The following G2E3 variants were observed in gnomAD, a reference collection of about 807,000 sequenced individuals.
The protein encoded by G2E3 is G2/M phase-specific E3 ubiquitin-protein ligase.
In G2E3, 35 loss-of-function variants were observed where a neutral mutation model predicts 92.8. That is an observed-to-expected ratio of 0.38 (90% CI 0.29 to 0.50). The LOEUF (loss-of-function observed/expected upper bound fraction) is 0.50. Ranked by LOEUF, G2E3 falls within the 20% of genes least tolerant of loss-of-function variation. The pLI is 0.94. For synonymous variants in G2E3, 242 were observed against 272.4 expected (o/e 0.89, Z 1.10); for missense variants, 554 against 823.8 (o/e 0.67, Z 4.01).
chr14:30,607,830 T>G (rs534695792), intron 11 of G2E3, 58 bp from the exon 12 acceptor site: 1 of 873,850 alleles, frequency 1.1e-6, no homozygotes, highest in South Asian at 1.8e-5. Context: ...ATATAAAAAA[T>G]GATGGTTATC....
chr14:30,619,710 G>A lies in G2E3; in HGVS notation c.*3176G>A, dbSNP rs753691103. On this transcript the variant is annotated 3_prime_UTR_variant, in exon 15 of 15. Transcript: ENST00000206595. ...TATCCCAGTACCTACACTATGCCAG[G>A]TATTATGCTAGGTGATCGTTTATAT... The A allele has an allele frequency of 6.6e-6, 1 of 151,936 alleles. No individual in the cohort carries two copies. Among genetic ancestry groups the A allele is most frequent in the Non-Finnish European group, 1.5e-5 (1 of 67,960 alleles). The allele number at this position is 151,936 out of a possible 1,614,324, so 9.4% of individuals were successfully genotyped here.
At chr14:30,614,492 C>T (rs1882227283) in intron 13 of G2E3, among the ~76,000 whole-genome samples, 1 of 152,178 alleles carries the variant, frequency 6.6e-6, no homozygotes, top group African/African-American at 2.4e-5. Context: ...GAGCTCACTC[C>T]CACAATAATG....
intron 2 of G2E3, among the ~76,000 whole-genome samples, chr14:30,584,799 A>C (rs953243642): frequency 7.0e-6 from 1 of 143,104 alleles, no homozygotes; most frequent in African/African-American, 2.6e-5. Context: ...AGATGTGTAG[A>C]GTGTCTTTCA....
intron 11 of G2E3, among the ~76,000 whole-genome samples, chr14:30,606,283 AC>A (rs1163778966): frequency 6.6e-6 from 1 of 151,660 alleles, no homozygotes; most frequent in East Asian, 1.9e-4. Context: ...TTCTGTCTTC[AC>A]TATTGGTGAG....
intron 10 of G2E3, among the ~76,000 whole-genome samples, chr14:30,603,473 T>G (rs1395528641): frequency 2.0e-5 from 3 of 152,200 alleles, no homozygotes; most frequent in African/African-American, 7.2e-5. Flanking sequence ...CAAAAGAGTT[T>G]TTAGAGCCTT....
intron 13 of G2E3, among the ~76,000 whole-genome samples, chr14:30,612,735 T>A (rs1158728951): frequency 6.6e-6 from 1 of 152,062 alleles, no homozygotes. Flanking sequence ...TGGGTTCCTG[T>A]AATCTCAGCT....
intron 14 of G2E3, 39 bp from the exon 15 acceptor site, chr14:30,616,239 T>G: frequency 3.7e-6 from 5 of 1,362,106 alleles, no homozygotes; most frequent in Non-Finnish European, 5.2e-6. Context: ...ATGGATTTAC[T>G]TTTGTTTCTT....
rs2273409 is a variant in G2E3, at chr14:30,592,525, T to A, written c.362+78T>A. The A allele has an allele frequency of 1.8e-4, 201 of 1,098,220 alleles. No homozygotes were observed. In the East Asian group the frequency reaches 4.6e-3, roughly 25 times the overall value. 68.0% of individuals were successfully genotyped at this position (1,098,220 alleles called of 1,614,324 possible). A position where few individuals can be genotyped will look rare whatever the true frequency, so the allele number is the denominator to read the frequency against. On this transcript the variant is annotated intron_variant, in intron 5 of 14. Coordinates refer to ENST00000206595, the MANE Select transcript of G2E3 (RefSeq NM_017769.5). The stretch of plus-strand genomic sequence containing the variant: ...AATACATATCCCAATGATATAATAC[T>A]ACAATAAATTTTCTGTTTAGAGCAT...
chr14:30,572,558 T>A (rs1879830009), intron 1 of G2E3, among the ~76,000 whole-genome samples: 1 of 152,188 alleles, frequency 6.6e-6, no homozygotes, highest in Admixed American at 6.5e-5. Flanking sequence ...CCTACAGTTT[T>A]ATCATGATTG....
At chr14:30,608,144 T>C (rs1331337120) in intron 12 of G2E3, 75 bp downstream of exon 12, 3 of 815,614 alleles carry the variant, frequency 3.7e-6, no homozygotes, top group African/African-American at 3.5e-5. Context: ...TGATCTGCAA[T>C]AAAATAATAG....
At chr14:30,600,408 G>A (rs1452281664) in intron 8 of G2E3, among the ~76,000 whole-genome samples, 2 of 152,170 alleles carry the variant, frequency 1.3e-5, no homozygotes, top group African/African-American at 4.8e-5. Context: ...AAGGTATCAA[G>A]TAACATGTAT....
intron 3 of G2E3, among the ~76,000 whole-genome samples, chr14:30,588,911 G>A (rs921988319): frequency 3.6e-4 from 54 of 152,064 alleles, no homozygotes; most frequent in African/African-American, 1.3e-3. Context: ...GTTAACTAGG[G>A]TTCAATAGGT....
At chr14:30,570,343 G>A (rs1315784762) in intron 1 of G2E3, among the ~76,000 whole-genome samples, 1 of 152,190 alleles carries the variant, frequency 6.6e-6, no homozygotes, top group African/African-American at 2.4e-5. Context: ...TCTTAAAAAT[G>A]TGTAGATTGA....
intron 4 of G2E3, among the ~76,000 whole-genome samples, chr14:30,590,106 A>G (rs1000876894): frequency 6.6e-6 from 1 of 152,108 alleles, no homozygotes; most frequent in African/African-American, 2.4e-5. Context: ...ACGTCTCCAT[A>G]TTGTCTAAGT....
chr14:30,605,761 T>A lies in G2E3; in HGVS notation c.1267T>A (p.Ser423Thr). 3 of 1,595,182 alleles carry A rather than the reference T, an allele frequency of 1.9e-6. No homozygotes were observed. Among genetic ancestry groups the A allele is most frequent in the Non-Finnish European group, 2.6e-6 (3 of 1,172,514 alleles). Residue 423 changes from serine to threonine, a missense_variant, in exon 11 of 15, where the codon TCA becomes ACA. By Grantham distance (58) the Ser-to-Thr change is moderately conservative. Transcript: ENST00000206595. ...TCTCTTAATGCAACATCTTGAGAAC[T>A]CATCATTGTTTGAAGGGTCCTTGTC... ...LSLLMQHLEN[S>T]SLFEGSLSKN...
chr14:30,560,683 AT>A, intron 1 of G2E3: 1 of 634,056 alleles, frequency 1.6e-6, no homozygotes, highest in South Asian at 1.8e-5. Flanking sequence ...TTTTCATTGG[AT>A]TTTTGCTCTT....
At chr14:30,569,258 A>G (rs1024131744) in intron 1 of G2E3, among the ~76,000 whole-genome samples, 7 of 152,170 alleles carry the variant, frequency 4.6e-5, no homozygotes, top group Non-Finnish European at 1.0e-4. Context: ...TCTTGATCTC[A>G]GAAACTTCTG....
intron 4 of G2E3, chr14:30,590,593 CACATAAGAA>C (rs1468773861): frequency 2.2e-6 from 1 of 447,330 alleles, no homozygotes; most frequent in African/African-American, 2.0e-5. Flanking sequence ...ACAAGGGAAG[CACATAAGAA>C]ACATTTATTC....
intron 1 of G2E3, among the ~76,000 whole-genome samples, chr14:30,566,183 T>G (rs1879426546): frequency 6.6e-6 from 1 of 152,200 alleles, no homozygotes; most frequent in African/African-American, 2.4e-5. Context: ...AAGTTTGGAA[T>G]TGGAAAATTT....
Sources: allele counts gnomAD v4.1 joint callset (sites outside exome capture counted in the v4.1 genomes callset), GRCh38; gene constraint gnomAD v4.1.1; transcripts MANE v1.5; gene names NCBI Gene and HGNC (gene_info 2026-07-23, HGNC 2026-07-21).